FAM124A: variants seen among roughly 807,000 people sequenced by gnomAD.
The protein encoded by FAM124A is family with sequence similarity 124 member A, also known as protein FAM124A.
A neutral mutation model predicts 24.5 loss-of-function variants in FAM124A; 23 were observed. The ratio of observed to expected loss-of-function variants is 0.94; its 90% CI spans 0.68 to 1.33. The LOEUF is 1.33. Ranked by LOEUF, FAM124A falls within the 40% of genes most tolerant of loss-of-function variation. The pLI is 0.00. For synonymous variants in FAM124A, 287 were observed against 314.7 expected (o/e 0.91, Z 0.93); for missense variants, 623 against 722.8 (o/e 0.86, Z 1.58).
intron 3 of FAM124A, chr13:51,253,571 A>G (rs1954647866): frequency 6.6e-6 from 1 of 152,238 alleles, no homozygotes; most frequent in Admixed American, 6.5e-5. Context: ...GTAAAAGTTA[A>G]TGAAATGCAA....
Position 51,251,351 on chromosome 13 carries a change from A to C in FAM124A, c.101-117A>C, listed in dbSNP as rs1954617129. 2.3e-6 allele frequency: 3 copies of C among 1,295,038 alleles called. No homozygotes were observed. The Admixed American group carries it at 8.2e-5, about 35-fold the overall frequency. The allele number at this position is 1,295,038 out of a possible 1,614,324, so 80.2% of individuals were successfully genotyped here. On this transcript the variant is annotated intron_variant, in intron 2 of 3. Coordinates refer to ENST00000322475, the MANE Select transcript of FAM124A (RefSeq NM_001242312.2). This position sits in a 1 kb window ranked among gnomAD's most constrained non-coding sequence, Gnocchi z 5.3. ...TCAGAAAATCACAGGTCATGGAGTC[A>C]GTTCAGTTAGAATTTGACTTCTCTT...
intron 3 of FAM124A, among the ~76,000 whole-genome samples, chr13:51,256,079 A>G (rs1027761075): frequency 6.6e-6 from 1 of 152,202 alleles, no homozygotes; most frequent in Non-Finnish European, 1.5e-5. Flanking sequence ...ACAGGCCTGA[A>G]TGGAAGGCCG....
At chr13:51,276,234 C>G (rs1954885149) in intron 3 of FAM124A, among the ~76,000 whole-genome samples, 1 of 152,152 alleles carries the variant, frequency 6.6e-6, no homozygotes, top group Non-Finnish European at 1.5e-5. Flanking sequence ...CTAAGTAACT[C>G]TTGGCAGGAA....
Position 51,251,613 on chromosome 13 carries a change from C to T in FAM124A, c.246C>T (p.Ser82=), listed in dbSNP as rs369389901. 9 of 1,573,474 alleles carry T rather than the reference C, an allele frequency of 5.7e-6. No homozygotes were observed. The highest frequency in any genetic ancestry group is 4.5e-5 in the East Asian group (2 of 44,318). The change falls in exon 3 of 4, where the codon TCC becomes TCT. Residue 82 remains serine (S), a synonymous_variant. Coordinates refer to ENST00000322475, the MANE Select transcript of FAM124A (RefSeq NM_001242312.2). This position sits in a 1 kb window ranked among gnomAD's most constrained non-coding sequence, Gnocchi z 5.3. ...IHPDLPLFRV[S]ERRASRRRRK... is the part of the protein sequence containing the mutation. ...CCGACCTCCCGCTGTTCCGGGTGTC[C>T]GAGAGGCGGGCGTCCCGGCGGCGGC...
intron 2 of FAM124A, among the ~76,000 whole-genome samples, chr13:51,248,396 C>T (rs1392807536): frequency 6.6e-6 from 1 of 152,232 alleles, no homozygotes; most frequent in African/African-American, 2.4e-5. Flanking sequence ...CTTCTATTTA[C>T]CCACTTGACT....
chr13:51,251,625 G>C lies in FAM124A; in HGVS notation c.258G>C (p.Ala86=), dbSNP rs1206744289. 4 of 1,562,988 alleles carry C rather than the reference G, an allele frequency of 2.6e-6. No individual in the cohort carries two copies. The highest frequency in any genetic ancestry group is 2.6e-6 in the Non-Finnish European group (3 of 1,152,154). The change falls in exon 3 of 4, where the codon GCG becomes GCC. Residue 86 remains alanine (A), a synonymous_variant. Coordinates refer to ENST00000322475, the MANE Select transcript of FAM124A (RefSeq NM_001242312.2). This position sits in a 1 kb window ranked among gnomAD's most constrained non-coding sequence, Gnocchi z 5.3. ...LPLFRVSERR[A]SRRRRKPPKG... is the part of the protein sequence containing the mutation. The stretch of plus-strand genomic sequence containing the variant: ...TGTTCCGGGTGTCCGAGAGGCGGGC[G>C]TCCCGGCGGCGGCGGAAGCCCCCCA...
rs3138586 is a variant in FAM124A, at chr13:51,272,566, TACACACAC to T, written c.835-7863_835-7856del. ...ACCTATTTTTGTAAATAAAGCCTTA[TACACACAC>T]ACACACACACACACACACACCAGTT... On this transcript the variant is annotated intron_variant, in intron 3 of 3. Coordinates refer to ENST00000322475, the MANE Select transcript of FAM124A (RefSeq NM_001242312.2). This position sits in a 1 kb window ranked among gnomAD's most constrained non-coding sequence, Gnocchi z 4.2. Among the ~76,000 whole-genome samples, 4 of 148,858 alleles carry T rather than the reference TACACACAC, an allele frequency of 2.7e-5. No homozygotes were observed. Among genetic ancestry groups the T allele is most frequent in the Admixed American group, 6.7e-5 (1 of 14,962 alleles).
At chr13:51,275,276 G>A (rs1026651093) in intron 3 of FAM124A, among the ~76,000 whole-genome samples, 1 of 151,984 alleles carries the variant, frequency 6.6e-6, no homozygotes, top group Non-Finnish European at 1.5e-5. Flanking sequence ...TACTCAGGCA[G>A]CTGCAGCAGG....
chr13:51,237,486 A>C (rs1954446857), intron 2 of FAM124A, among the ~76,000 whole-genome samples: 1 of 152,176 alleles, frequency 6.6e-6, no homozygotes, highest in African/African-American at 2.4e-5. Context: ...TTATTCGCAA[A>C]ACTCTTCTCA....
Position 51,251,917 on chromosome 13 carries a change from G to A in FAM124A, c.550G>A (p.Ala184Thr), listed in dbSNP as rs1412072424. Residue 184 changes from alanine (A) to threonine (T), a missense_variant, in exon 3 of 4, where the codon GCT (alanine) becomes ACT (threonine). Transcript: ENST00000322475. This position sits in a 1 kb window ranked among gnomAD's most constrained non-coding sequence, Gnocchi z 5.3. ...CGTCTACTGTCGCTACGACAACTATGCTGACAGCCTCAGGTTCTACCAGCT... is the reference window on the plus strand; with the variant it reads ...CGTCTACTGTCGCTACGACAACTATACTGACAGCCTCAGGTTCTACCAGCT... ...FTVYCRYDNY[A>T]DSLRFYQLIL... 6.2e-7 allele frequency: 1 copy of A among 1,614,036 alleles called. No individual in the cohort carries two copies. The highest frequency in any genetic ancestry group is 8.5e-7 in the Non-Finnish European group (1 of 1,180,050).
intron 2 of FAM124A, among the ~76,000 whole-genome samples, chr13:51,250,827 C>G (rs1954612306): frequency 6.6e-6 from 1 of 152,220 alleles, no homozygotes; most frequent in Non-Finnish European, 1.5e-5. Flanking sequence ...CAATAGGGGA[C>G]ACTGTGGGCA....
At chr13:51,265,756 C>G (rs1048341873) in intron 3 of FAM124A, among the ~76,000 whole-genome samples, 3 of 151,692 alleles carry the variant, frequency 2.0e-5, no homozygotes, top group Non-Finnish European at 4.4e-5. Context: ...CCACCATTAG[C>G]TGAATTTGGT....
chr13:51,243,794 C>T (rs552840558), intron 2 of FAM124A, among the ~76,000 whole-genome samples: 10 of 152,130 alleles, frequency 6.6e-5, no homozygotes, highest in South Asian at 6.2e-4. Context: ...CCTCGATCTC[C>T]GAAAATGCTG....
At chr13:51,266,815 G>A (rs1361307769) in intron 3 of FAM124A, among the ~76,000 whole-genome samples, 1 of 152,198 alleles carries the variant, frequency 6.6e-6, no homozygotes, top group Non-Finnish European at 1.5e-5. Flanking sequence ...CCTTATGGCA[G>A]TTGTTGTCAT....
At chr13:51,256,097 CTT>C (rs1330743110) in intron 3 of FAM124A, among the ~76,000 whole-genome samples, 5 of 152,308 alleles carry the variant, frequency 3.3e-5, no homozygotes, top group African/African-American at 1.2e-4. Flanking sequence ...CCGCCTGCCT[CTT>C]TTGGAGGCCT....
At chr13:51,229,183 G>A (rs1218847556) in intron 1 of FAM124A, among the ~76,000 whole-genome samples, 1 of 152,238 alleles carries the variant, frequency 6.6e-6, no homozygotes, top group African/African-American at 2.4e-5. Flanking sequence ...AAGTTGGACA[G>A]CAGAGCTGGG....
At chr13:51,226,922 A>G (rs1479966499) in intron 1 of FAM124A, among the ~76,000 whole-genome samples, 1 of 152,198 alleles carries the variant, frequency 6.6e-6, no homozygotes, top group East Asian at 1.9e-4. Flanking sequence ...AGGGATGACG[A>G]TAGTAGTACC....
At chr13:51,253,320 G>A (rs1954644681) in intron 3 of FAM124A, 1 of 152,186 alleles carries the variant, frequency 6.6e-6, no homozygotes, top group Non-Finnish European at 1.5e-5. Context: ...TCAGATAACT[G>A]GTTCAGACTA....
chr13:51,256,343 C>T (rs1954673919), intron 3 of FAM124A, among the ~76,000 whole-genome samples: 1 of 152,168 alleles, frequency 6.6e-6, no homozygotes, highest in Non-Finnish European at 1.5e-5. Context: ...AAGACGCTCA[C>T]CACTATCCCT....
Sources: gnomAD v4.1 joint callset for allele counts (sites outside exome capture counted in the v4.1 genomes callset) on GRCh38, gnomAD v4.1.1 for gene constraint, Gnocchi (gnomAD v3.1) non-coding constraint, MANE v1.5 for transcripts, NCBI Gene and HGNC (gene_info 2026-07-23, HGNC 2026-07-21) for gene names.